PCDHA12: variants seen among roughly 807,000 people sequenced by gnomAD.
PCDHA12 encodes protocadherin alpha-12.
Under a neutral mutation model 60.0 loss-of-function variants are expected in PCDHA12, and 44 were observed. The ratio of observed to expected loss-of-function variants is 0.73; its 90% CI spans 0.58 to 0.94. PCDHA12 has a LOEUF of 0.94. PCDHA12 is among the 40% of genes least tolerant of loss of function. PCDHA12 has a pLI of 0.00. For synonymous variants in PCDHA12, 569 were observed against 553.0 expected (o/e 1.03, Z -0.40); for missense variants, 1,276 against 1,239.7 (o/e 1.03, Z -0.44).
At chr5:141,007,498 G>T (rs936217793) in intron 3 of PCDHA12, among the ~76,000 whole-genome samples, 2 of 151,942 alleles carry the variant, frequency 1.3e-5, no homozygotes, top group Admixed American at 1.3e-4. Context: ...GACCTAGGAG[G>T]CAGAGACTGC....
chr5:140,917,439 G>T (rs1437451173), intron 1 of PCDHA12, among the ~76,000 whole-genome samples: 1 of 151,364 alleles, frequency 6.6e-6, no homozygotes, highest in Non-Finnish European at 1.5e-5. Flanking sequence ...TTTTGTTTTT[G>T]CTGCAAGAGC....
intron 1 of PCDHA12, among the ~76,000 whole-genome samples, chr5:140,926,017 G>C (rs1222079500): frequency 2.0e-5 from 3 of 152,050 alleles, no homozygotes; most frequent in African/African-American, 7.2e-5. Context: ...GCCAGAGTCC[G>C]GAGGCAGTTT....
Position 140,876,408 on chromosome 5 carries a change from G to T in PCDHA12, c.936G>T (p.Glu312Asp). The change falls in exon 1 of 4, where the codon GAG becomes GAT. Residue 312 changes from glutamate to aspartate, a missense_variant. Physicochemically the swap from Glu to Asp is conservative, Grantham distance 45. Transcript: ENST00000398631. ...TTTATGGTGAACTGGATTTTGAAGAGAATAATGCCTATGAAATTCAGGTTA... is the reference window on the plus strand; with the variant it reads ...TTTATGGTGAACTGGATTTTGAAGATAATAATGCCTATGAAATTCAGGTTA... ...IRIYGELDFEENNAYEIQVNA... is the reference protein window; with the variant it reads ...IRIYGELDFEDNNAYEIQVNA... The T allele has an allele frequency of 6.2e-7, 1 of 1,613,942 alleles. No homozygotes were observed. The highest frequency in any genetic ancestry group is 8.5e-7 in the Non-Finnish European group (1 of 1,179,898).
chr5:140,910,055 T>A (rs1554194090), intron 1 of PCDHA12, among the ~76,000 whole-genome samples: 1 of 152,218 alleles, frequency 6.6e-6, no homozygotes, highest in Non-Finnish European at 1.5e-5. Flanking sequence ...TAATAAGTGA[T>A]CTTTTAACAG....
At chr5:140,979,150 C>T (rs1470916466) in intron 2 of PCDHA12, 143 bp downstream of exon 2, 4 of 1,435,458 alleles carry the variant, frequency 2.8e-6, no homozygotes, top group Middle Eastern at 3.7e-4. Context: ...ATTTTGTCCC[C>T]ATGTTTATTC....
rs114654172 is a variant in PCDHA12 at position 140,875,534 on chromosome 5, T to G, written c.62T>G (p.Leu21Arg). The change falls in exon 1 of 4, where the codon CTT (leucine) becomes CGT (arginine). Residue 21 changes from leucine to arginine, a missense_variant. Leu to Arg is a moderately radical substitution (Grantham distance 102). Transcript: ENST00000398631. The stretch of plus-strand genomic sequence containing the variant: ...CGTCTGCTGCTCTCGCTTCTGCTCC[T>G]TGCAGCCTGGGAGGTGGGGAGCGGC... ...SQRLLLSLLLLAAWEVGSGQL... is the reference protein window; with the variant it reads ...SQRLLLSLLLRAAWEVGSGQL... 0.025 allele frequency: 39,957 copies of G among 1,614,138 alleles called. 601 individuals carry two copies. The highest frequency in any genetic ancestry group is 0.03 in the Non-Finnish European group (35,881 of 1,180,016).
chr5:140,935,118 T>G (rs189908862), intron 1 of PCDHA12, among the ~76,000 whole-genome samples: 6 of 152,324 alleles, frequency 3.9e-5, no homozygotes, highest in Admixed American at 3.3e-4. Flanking sequence ...AGCTTTCACT[T>G]ATTTTTAGTG....
intron 1 of PCDHA12, chr5:140,883,517 A>G: frequency 6.2e-7 from 1 of 1,614,162 alleles, no homozygotes; most frequent in Non-Finnish European, 8.5e-7. Context: ...GGACCGCGAG[A>G]GCGTATCAGC....
Position 140,877,658 on chromosome 5 carries a change from T to G in PCDHA12, c.2186T>G (p.Val729Gly). The G allele has an allele frequency of 6.2e-7, 1 of 1,613,486 alleles. No homozygotes were observed. Reference protein sequence around the residue: ...TALRCSAPPTVSRCAPGKPTL... With the variant: ...TALRCSAPPTGSRCAPGKPTL... Reference sequence around the variant, plus strand: ...CTGCGTTGCTCAGCGCCGCCCACCGTGAGCCGGTGCGCGCCGGGCAAGCCC... The same window carrying G: ...CTGCGTTGCTCAGCGCCGCCCACCGGGAGCCGGTGCGCGCCGGGCAAGCCC... The change falls in exon 1 of 4, where the codon GTG (valine) becomes GGG (glycine). Residue 729 changes from valine to glycine, a missense_variant. Val to Gly is a moderately radical substitution (Grantham distance 109, BLOSUM62 -3). Transcript: ENST00000398631.
chr5:140,924,996 T>G (rs960105846), intron 1 of PCDHA12, among the ~76,000 whole-genome samples: 1 of 151,078 alleles, frequency 6.6e-6, no homozygotes, highest in African/African-American at 2.4e-5. Flanking sequence ...ATCCTAGCAC[T>G]TTAGGAGGCT....
chr5:140,926,762 C>A (rs1186997274), intron 1 of PCDHA12: 5 of 1,326,554 alleles, frequency 3.8e-6, no homozygotes, highest in East Asian at 2.8e-5. Context: ...CGCTGAGTAT[C>A]CAGCCCGCAG....
At chr5:140,914,059 G>A (rs2076582448) in intron 1 of PCDHA12, among the ~76,000 whole-genome samples, 1 of 152,202 alleles carries the variant, frequency 6.6e-6, no homozygotes, top group African/African-American at 2.4e-5. Flanking sequence ...GCTGTTGGAT[G>A]AAATGCTCCA....
intron 1 of PCDHA12, chr5:140,928,939 T>G (rs367874769): frequency 6.2e-7 from 1 of 1,614,012 alleles, no homozygotes; most frequent in African/African-American, 1.3e-5. Context: ...CCAGAACTTG[T>G]ATTTAGTAAT....
chr5:140,988,535 A>T (rs1426235004), intron 3 of PCDHA12, among the ~76,000 whole-genome samples: 2 of 152,164 alleles, frequency 1.3e-5, no homozygotes, highest in Non-Finnish European at 2.9e-5. Flanking sequence ...GGCTCCATCC[A>T]TTCATGACTT....
At chr5:140,944,966 C>A (rs1554216639) in intron 1 of PCDHA12, among the ~76,000 whole-genome samples, 1 of 152,080 alleles carries the variant, frequency 6.6e-6, no homozygotes, top group Non-Finnish European at 1.5e-5. Context: ...ATTATCTTAA[C>A]CTCTCTGGTG....
In PCDHA12 at chr5:140,876,716, G is replaced by T. The variant is rs374218090; in HGVS notation, c.1244G>T (p.Arg415Leu). The T allele has an allele frequency of 9.3e-6, 15 of 1,614,132 alleles. No individual in the cohort carries two copies. The African/African-American group carries it at 1.2e-4, about 13-fold the overall frequency. ...YSLVLDSALDRESVSAYELVV... is the reference protein window; with the variant it reads ...YSLVLDSALDLESVSAYELVV... ...TTGGTGCTGGACAGCGCCCTGGACC[G>T]CGAGAGCGTGTCGGCCTATGAGCTG... Residue 415 changes from arginine (R) to leucine (L), a missense_variant, in exon 1 of 4, where the codon CGC becomes CTC. Coordinates refer to ENST00000398631, the MANE Select transcript of PCDHA12 (RefSeq NM_018903.4).
intron 1 of PCDHA12, among the ~76,000 whole-genome samples, chr5:140,917,076 T>C (rs986884478): frequency 1.3e-5 from 2 of 152,124 alleles, no homozygotes; most frequent in East Asian, 3.9e-4. Flanking sequence ...CCGAGTTTAA[T>C]GTAAAGTTCC....
rs2098415057 is a variant in PCDHA12, at chr5:141,009,865, A to G, written c.2754A>G (p.Lys918=). ...AGGAGGAGACCAAGAAAAAGAAGAAAAAGAAGAAGGGTAACAAGACCCAGG... is the reference window on the plus strand; with the variant it reads ...AGGAGGAGACCAAGAAAAAGAAGAAGAAGAAGAAGGGTAACAAGACCCAGG... ...GKKEETKKKK[K]KKKGNKTQEK... The change falls in exon 4 of 4, where the codon AAA becomes AAG. Residue 918 remains lysine, a synonymous_variant. Transcript: ENST00000398631. The G allele has an allele frequency of 6.2e-7, 1 of 1,614,076 alleles. No homozygotes were observed.
At chr5:140,924,751 C>T (rs1554202122) in intron 1 of PCDHA12, among the ~76,000 whole-genome samples, 39 of 151,566 alleles carry the variant, frequency 2.6e-4, no homozygotes, top group Non-Finnish European at 5.2e-4. Context: ...AAAAATTAAC[C>T]GAGCATGGTG....
Sources: allele counts gnomAD v4.1 joint callset (sites outside exome capture counted in the v4.1 genomes callset), GRCh38; gene constraint gnomAD v4.1.1; transcripts MANE v1.5; gene names NCBI Gene and HGNC (gene_info 2026-07-23, HGNC 2026-07-21).